The following HMG20A variants were observed in gnomAD, a reference collection of about 807,000 sequenced individuals.
The protein encoded by HMG20A is high mobility group 20A, also known as high mobility group protein 20A.
HMG20A carries 17 observed loss-of-function variants against 43.9 expected under a neutral mutation model. That is an observed-to-expected ratio of 0.39 (90% confidence interval 0.27 to 0.58). HMG20A has a LOEUF of 0.58. Ranked by LOEUF, HMG20A falls within the 20% of genes least tolerant of loss-of-function variation. The probability of loss-of-function intolerance (pLI) is 0.59; values close to 1 mark genes in which losing one functional copy is unlikely to be tolerated. For missense variants in HMG20A, 341 were observed against 438.2 expected, an observed-to-expected ratio of 0.78 and a Z score of 1.98; for synonymous variants, 132 against 147.5, an observed-to-expected ratio of 0.89 and a Z score of 0.76.
intron 1 of HMG20A, among the ~76,000 whole-genome samples, chr15:77,429,475 A>G (rs1028951924): frequency 1.3e-5 from 2 of 152,054 alleles, no homozygotes; most frequent in Admixed American, 1.3e-4. Flanking sequence ...TGTTCTCTTG[A>G]TACAAACCTT....
intron 1 of HMG20A, among the ~76,000 whole-genome samples, chr15:77,434,726 T>TGGC (rs2073527506): frequency 6.6e-6 from 1 of 152,060 alleles, no homozygotes; most frequent in African/African-American, 2.4e-5. Flanking sequence ...ATGGCTAAAA[T>TGGC]TAAAAAGATT....
At chr15:77,448,885 C>T (rs957405342) in intron 1 of HMG20A, among the ~76,000 whole-genome samples, 2 of 151,646 alleles carry the variant, frequency 1.3e-5, no homozygotes, top group African/African-American at 4.8e-5. Context: ...AGTTCAAGAC[C>T]AGCTGGAAAA....
At position 77,471,016 on chromosome 15, in the gene HMG20A, G is replaced by T; in HGVS notation, c.557G>T (p.Arg186Leu). The change falls in exon 5 of 10, where the codon CGT becomes CTT. Residue 186 changes from arginine to leucine, a missense_variant. This residue lies in a region of HMG20A where 220 missense variants were observed against 263.6 expected (regional missense o/e 0.83). Transcript: ENST00000336216. The stretch of plus-strand genomic sequence containing the variant: ...GTCTTCAGTAGGAAAACCCAGGACC[G>T]TCAGAAAGGCAAATCTCATAGGCAA... ...YKVFSRKTQD[R>L]QKGKSHRQDA... The T allele has an allele frequency of 6.2e-7, 1 of 1,611,672 alleles. No homozygotes were observed. Among genetic ancestry groups the T allele is most frequent in the South Asian group, 1.1e-5 (1 of 90,678 alleles).
chr15:77,514,046 T>C, the HMG20A span, among the ~76,000 whole-genome samples: 2 of 152,170 alleles, frequency 1.3e-5, no homozygotes, highest in African/African-American at 4.8e-5. Flanking sequence ...GTCTACATAA[T>C]TGCAAAGTTT....
At chr15:77,457,988 C>T (rs960869631) in intron 1 of HMG20A, among the ~76,000 whole-genome samples, 3 of 152,124 alleles carry the variant, frequency 2.0e-5, no homozygotes, top group Admixed American at 6.5e-5. Context: ...CACAATAACC[C>T]TTTGGGTTAA....
chr15:77,465,116 G>T (rs1166560528), intron 3 of HMG20A, among the ~76,000 whole-genome samples: 1 of 151,704 alleles, frequency 6.6e-6, no homozygotes, highest in Non-Finnish European at 1.5e-5. Flanking sequence ...CAAAAAATTA[G>T]CCAGGTGCAG....
the HMG20A span, among the ~76,000 whole-genome samples, chr15:77,501,009 C>G: frequency 1.3e-5 from 2 of 152,206 alleles, no homozygotes; most frequent in African/African-American, 2.4e-5. Flanking sequence ...TCCCCAAACT[C>G]AGAATTCACG....
At chr15:77,450,256 G>A (rs143774502) in intron 1 of HMG20A, among the ~76,000 whole-genome samples, 3,161 of 151,758 alleles carry the variant, frequency 0.021, 58 homozygotes, top group South Asian at 0.05. Context: ...CAGCCTCCCC[G>A]AGTAGCTAGG....
intron 9 of HMG20A, among the ~76,000 whole-genome samples, chr15:77,479,959 C>A (rs574309564): frequency 6.6e-6 from 1 of 152,084 alleles, no homozygotes; most frequent in South Asian, 2.1e-4. Context: ...TGTGGACTCA[C>A]CATACAAACA....
At chr15:77,508,862 G>T in the HMG20A span, among the ~76,000 whole-genome samples, 1 of 152,240 alleles carries the variant, frequency 6.6e-6, no homozygotes, top group Non-Finnish European at 1.5e-5. Flanking sequence ...TTTGCACATG[G>T]TAAGTGGGGG....
intron 1 of HMG20A, among the ~76,000 whole-genome samples, chr15:77,455,586 A>G (rs2072646562): frequency 6.6e-6 from 1 of 152,110 alleles, no homozygotes; most frequent in African/African-American, 2.4e-5. Context: ...CTACTAGGTA[A>G]CATCTGCATG....
At chr15:77,512,159 C>T in the HMG20A span, among the ~76,000 whole-genome samples, 36,292 of 151,952 alleles carry the variant, frequency 0.24, 5,151 homozygotes, top group Non-Finnish European at 0.32. Context: ...AAGCCAGTCA[C>T]AAAAGGACAA....
At chr15:77,503,721 A>G in the HMG20A span, among the ~76,000 whole-genome samples, 3 of 152,150 alleles carry the variant, frequency 2.0e-5, no homozygotes, top group African/African-American at 7.2e-5. Flanking sequence ...TCGGATCGTA[A>G]TACACCAGCG....
chr15:77,465,400 G>GTTTTT (rs71145838), intron 3 of HMG20A, among the ~76,000 whole-genome samples: 1 of 137,388 alleles, frequency 7.3e-6, no homozygotes. Context: ...GTTGTTTTTT[G>GTTTTT]TTTTTTTTTT....
intron 1 of HMG20A, among the ~76,000 whole-genome samples, chr15:77,437,377 A>G (rs973137874): frequency 2.0e-5 from 3 of 152,214 alleles, no homozygotes; most frequent in African/African-American, 7.2e-5. Context: ...TAGGTAAACT[A>G]TAGGTCGGGA....
the HMG20A span, among the ~76,000 whole-genome samples, chr15:77,496,730 C>T: frequency 6.6e-6 from 1 of 152,130 alleles, no homozygotes; most frequent in Non-Finnish European, 1.5e-5. Context: ...TCCCGCCAAG[C>T]GCTCCACCGA....
the HMG20A span, among the ~76,000 whole-genome samples, chr15:77,510,544 C>T: frequency 2.0e-5 from 3 of 152,224 alleles, no homozygotes; most frequent in Admixed American, 6.5e-5. Context: ...CCTCCAGTTT[C>T]CAGCCTGACC....
At chr15:77,467,382 G>A in intron 4 of HMG20A, 75 bp downstream of exon 4, 1 of 1,256,454 alleles carries the variant, frequency 8.0e-7, no homozygotes, top group Non-Finnish European at 1.1e-6. Flanking sequence ...GAAAAGCAAA[G>A]AGGATGGACA....
the HMG20A span, among the ~76,000 whole-genome samples, chr15:77,506,384 G>A: frequency 1.3e-5 from 2 of 152,112 alleles, no homozygotes; most frequent in African/African-American, 4.8e-5. Context: ...GCTGGTTCAC[G>A]ATGAAGCCGC....
Sources: gnomAD v4.1 joint callset for allele counts (sites outside exome capture counted in the v4.1 genomes callset) on GRCh38, gnomAD v4.1.1 for gene constraint, gnomAD v4.1.1 regional missense constraint, MANE v1.5 for transcripts, NCBI Gene and HGNC (gene_info 2026-07-23, HGNC 2026-07-21) for gene names.